Variants in FRMPD3 observed in about 807,000 individuals in gnomAD.
The protein encoded by FRMPD3 is FERM and PDZ domain-containing protein 3.
FRMPD3 carries 42 observed loss-of-function variants against 97.9 expected under a neutral mutation model. That is an observed-to-expected ratio of 0.43 (90% confidence interval 0.34 to 0.55). The LOEUF is 0.55. Among genes scored for constraint, FRMPD3 ranks in the 20% least tolerant of loss-of-function variants. The pLI is 0.03. For missense variants in FRMPD3, 1,303 were observed against 1,457.7 expected, an observed-to-expected ratio of 0.89 and a Z score of 1.73; for synonymous variants, 577 against 581.1, an observed-to-expected ratio of 0.99 and a Z score of 0.10.
intron 1 of FRMPD3, among the ~76,000 whole-genome samples, chrX:107,495,478 C>G (rs1921753088): frequency 8.9e-6 from 1 of 112,341 alleles, no homozygotes; most frequent in Admixed American, 9.5e-5. Context: ...ATTTTGTTCA[C>G]TGAGTATCCC....
At chrX:107,581,374 G>A (rs1923379965) in intron 13 of FRMPD3, among the ~76,000 whole-genome samples, 2 of 110,107 alleles carry the variant, frequency 1.8e-5, no homozygotes. Flanking sequence ...GCCTCCCAAA[G>A]TGCTGGGATT....
chrX:107,504,328 C>T (rs1049690314), intron 1 of FRMPD3, among the ~76,000 whole-genome samples: 2 of 112,618 alleles, frequency 1.8e-5, no homozygotes, highest in Non-Finnish European at 3.7e-5. Context: ...CTGTGGTTCC[C>T]AGGTTCCTTT....
chrX:107,554,269 C>A, intron 7 of FRMPD3, 116 bp from the exon 8 acceptor site: 1 of 792,243 alleles, frequency 1.3e-6, no homozygotes, highest in Non-Finnish European at 1.8e-6. Context: ...GAGTAGGAAA[C>A]AACAGCTTAG....
intron 1 of FRMPD3, among the ~76,000 whole-genome samples, chrX:107,499,485 G>A (rs748136527): frequency 6.3e-5 from 7 of 111,816 alleles, no homozygotes; most frequent in Non-Finnish European, 1.1e-4. Flanking sequence ...TAATATTCCT[G>A]TTTCCCCATA....
chrX:107,538,218 T>C (rs1430908562), intron 4 of FRMPD3, among the ~76,000 whole-genome samples: 4 of 111,709 alleles, frequency 3.6e-5, no homozygotes, highest in African/African-American at 9.8e-5. Context: ...ATGTGAAATA[T>C]TGGAGCAACA....
chrX:107,597,408 C>A lies in FRMPD3; in HGVS notation c.1529C>A (p.Pro510His). 8.3e-7 allele frequency: 1 copy of A among 1,210,833 alleles called. No homozygotes were observed. Among genetic ancestry groups the A allele is most frequent in the Non-Finnish European group, 1.1e-6 (1 of 895,379 alleles). ...TATGTGGGCAGCGTGGGCACCAGCC[C>A]CAGGAAATCGAGCCGCTGCACGCCC... ...SSYVGSVGTS[P>H]RKSSRCTPPP... The change falls in exon 14 of 15, where the codon CCC becomes CAC. Residue 510 changes from proline to histidine, a missense_variant. Physicochemically the swap from Pro to His is moderately conservative, Grantham distance 77. Around this residue, in one of 3 missense-constraint regions of FRMPD3, gnomAD observed 535 missense variants for 618.6 expected, o/e 0.86. Transcript: ENST00000683843.
At chrX:107,461,929 A>C (rs948898230) in intron 1 of FRMPD3, among the ~76,000 whole-genome samples, 3 of 103,671 alleles carry the variant, frequency 2.9e-5, no homozygotes, top group Non-Finnish European at 5.8e-5. Flanking sequence ...CTTGGTGCTT[A>C]CTCTTATCCC....
intron 14 of FRMPD3, among the ~76,000 whole-genome samples, chrX:107,599,241 C>G (rs1014279787): frequency 2.8e-5 from 3 of 109,032 alleles, no homozygotes; most frequent in African/African-American, 1.0e-4. Context: ...CCACTGCACT[C>G]CAGCCTGGGT....
At chrX:107,459,852 C>T (rs1367987817) in intron 1 of FRMPD3, among the ~76,000 whole-genome samples, 3 of 105,192 alleles carry the variant, frequency 2.9e-5, no homozygotes, top group African/African-American at 1.1e-4. Flanking sequence ...GATGAACACA[C>T]GTGTGTGTGC....
At chrX:107,458,979 C>G (rs1931421381) in intron 1 of FRMPD3, among the ~76,000 whole-genome samples, 1 of 112,149 alleles carries the variant, frequency 8.9e-6, no homozygotes, top group African/African-American at 3.2e-5. Context: ...TCCTCTTAGC[C>G]TCAATACTTA....
chrX:107,514,422 C>T (rs1452496257), intron 1 of FRMPD3, among the ~76,000 whole-genome samples: 1 of 111,423 alleles, frequency 9.0e-6, no homozygotes, highest in Non-Finnish European at 1.9e-5. Flanking sequence ...GAGGCTGCTG[C>T]AGCAACTCAC....
At chrX:107,502,133 G>A (rs183239770) in intron 1 of FRMPD3, among the ~76,000 whole-genome samples, 7 of 110,333 alleles carry the variant, frequency 6.3e-5, no homozygotes, top group South Asian at 4.1e-4. Flanking sequence ...AATTAATACC[G>A]GGCCCAGCGA....
rs371873767 is a variant in FRMPD3 at position 107,602,494 on chromosome X, C to G, written c.4455C>G (p.Asp1485Glu). ...GGAAGCCTGCCGAGCTAGACGAGGA[C>G]AGTGAGAGCAGCAAGTGCTGCTCCA... Reference protein sequence around the residue: ...VYRKPAELDEDSESSKCCSIR... With the variant: ...VYRKPAELDEESESSKCCSIR... Residue 1485 changes from aspartate (D) to glutamate (E), a missense_variant, in exon 15 of 15, where the codon GAC (aspartate) becomes GAG (glutamate). Coordinates refer to ENST00000683843, the MANE Select transcript of FRMPD3 (RefSeq NM_001388459.1). The G allele has an allele frequency of 5.0e-6, 6 of 1,210,383 alleles. No individual in the cohort carries two copies. In the African/African-American group the frequency reaches 1.0e-4, roughly 21 times the overall value.
intron 1 of FRMPD3, among the ~76,000 whole-genome samples, chrX:107,451,173 G>A (rs1931282557): frequency 9.0e-6 from 1 of 111,404 alleles, no homozygotes; most frequent in Non-Finnish European, 1.9e-5. Context: ...CCTCCCCTTG[G>A]CATCTTGGTC....
At chrX:107,549,267 G>C (rs1390628414) in intron 5 of FRMPD3, among the ~76,000 whole-genome samples, 1 of 105,968 alleles carries the variant, frequency 9.4e-6, no homozygotes, top group Non-Finnish European at 1.9e-5. Context: ...AGGTTGCAGC[G>C]AGCCGAGATC....
chrX:107,472,866 GATAA>G (rs1319087499), intron 1 of FRMPD3, among the ~76,000 whole-genome samples: 1 of 112,415 alleles, frequency 8.9e-6, no homozygotes, highest in Admixed American at 9.4e-5. Flanking sequence ...GCAAAATGTA[GATAA>G]ATAGTCTCTA....
At chrX:107,514,592 C>T (rs777346233) in intron 1 of FRMPD3, among the ~76,000 whole-genome samples, 2 of 104,164 alleles carry the variant, frequency 1.9e-5, no homozygotes, top group South Asian at 9.1e-4. Flanking sequence ...GTGGTGCGAT[C>T]TCGGCTCACT....
intron 1 of FRMPD3, among the ~76,000 whole-genome samples, chrX:107,498,034 C>G (rs1278169982): frequency 8.9e-6 from 1 of 112,129 alleles, no homozygotes; most frequent in Admixed American, 9.4e-5. Context: ...TGGTCACATT[C>G]TCATAGTTGG....
In FRMPD3 at chrX:107,550,161, A is replaced by G; in HGVS notation, c.510+5A>G. On this transcript the variant is annotated splice_donor_5th_base_variant and intron_variant, in intron 6 of 14. Transcript: ENST00000683843. ...GATGGTCGGACCACTGTTAAGGTAC[A>G]TACAGTCTCCTCCCCCTGGTCAGCA... 3 of 1,125,683 alleles carry G rather than the reference A, an allele frequency of 2.7e-6. No individual in the cohort carries two copies. Among genetic ancestry groups the G allele is most frequent in the Non-Finnish European group, 3.7e-6 (3 of 820,639 alleles). The allele number at this position is 1,125,683 out of a possible 1,213,427, so 92.8% of individuals were successfully genotyped here.
Sources: gnomAD v4.1 joint callset for allele counts (sites outside exome capture counted in the v4.1 genomes callset) on GRCh38, gnomAD v4.1.1 for gene constraint, gnomAD v4.1.1 regional missense constraint, MANE v1.5 for transcripts, NCBI Gene and HGNC (gene_info 2026-07-23, HGNC 2026-07-21) for gene names.